The following IQCK variants were observed in gnomAD, a reference collection of about 807,000 sequenced individuals.
IQCK encodes the protein IQ motif containing K.
Under a neutral mutation model 28.1 loss-of-function variants are expected in IQCK, and 29 were observed. That is an observed-to-expected ratio of 1.03 (90% CI 0.77 to 1.41). IQCK has a LOEUF of 1.41. Among genes scored for constraint, IQCK ranks in the 40% most tolerant of loss-of-function variants. IQCK has a pLI of 0.00. For synonymous variants in IQCK, 113 were observed against 115.1 expected, an observed-to-expected ratio of 0.98 and a Z score of 0.12; for missense variants, 359 against 314.7, an observed-to-expected ratio of 1.14 and a Z score of -1.07.
At chr16:19,781,557 C>T (rs907236935) in intron 6 of IQCK, among the ~76,000 whole-genome samples, 8 of 152,288 alleles carry the variant, frequency 5.3e-5, no homozygotes, top group Admixed American at 1.3e-4. Flanking sequence ...TGGAGCTGTT[C>T]GTATGTTCAC....
In IQCK at chr16:19,782,156, G is replaced by A. The variant is rs570945542; in HGVS notation, c.606-6682G>A. On this transcript the variant is annotated intron_variant, in intron 6 of 7. Transcript: ENST00000564186. ...TGAGGATTGATTTACAGCATGTGCC[G>A]TCTTTGTAAATGGCTTTACATCCGG... 7.2e-5 allele frequency among the ~76,000 whole-genome samples: 11 copies of A among 152,202 alleles called. No individual in the cohort carries two copies. The South Asian group carries it at 2.1e-3, about 29-fold the overall frequency.
chr16:19,809,570 A>G (rs1028312705), intron 7 of IQCK, among the ~76,000 whole-genome samples: 3 of 152,192 alleles, frequency 2.0e-5, no homozygotes, highest in Admixed American at 6.5e-5. Flanking sequence ...GTTGCACAAC[A>G]CAGCACTTCA....
intron 9 of IQCK, among the ~76,000 whole-genome samples, chr16:19,855,775 G>T (rs141756292): frequency 6.6e-6 from 1 of 152,150 alleles, no homozygotes; most frequent in Non-Finnish European, 1.5e-5. Flanking sequence ...CAGAACCTGT[G>T]GCCTGGCTCA....
At chr16:19,816,057 T>G (rs2055985278) in intron 7 of IQCK, among the ~76,000 whole-genome samples, 1 of 152,200 alleles carries the variant, frequency 6.6e-6, no homozygotes, top group South Asian at 2.1e-4. Flanking sequence ...TTTCCCCAGC[T>G]TCTTTCCAGC....
intron 7 of IQCK, among the ~76,000 whole-genome samples, chr16:19,804,071 C>A (rs2055800483): frequency 6.6e-6 from 1 of 152,116 alleles, no homozygotes; most frequent in Admixed American, 6.5e-5. Flanking sequence ...AGGTTCTTTG[C>A]CAGGTGCGGC....
At chr16:19,802,502 A>G (rs2151739951) in intron 7 of IQCK, among the ~76,000 whole-genome samples, 1 of 107,608 alleles carries the variant, frequency 9.3e-6, no homozygotes, top group East Asian at 2.5e-4. Context: ...TTCAGTCCAC[A>G]TAAGGAACAT....
intron 4 of IQCK, among the ~76,000 whole-genome samples, chr16:19,758,304 T>G (rs754479183): frequency 7.2e-5 from 11 of 152,236 alleles, no homozygotes; most frequent in Non-Finnish European, 1.0e-4. Context: ...CTGTTCCACA[T>G]GTCTGGGTAT....
At chr16:19,718,664 C>A (rs563808400) in intron 1 of IQCK, among the ~76,000 whole-genome samples, 177 bp downstream of exon 1, 2 of 152,274 alleles carry the variant, frequency 1.3e-5, no homozygotes, top group African/African-American at 4.8e-5. Context: ...GAGGCTGGCC[C>A]GAGGTTACGC....
At chr16:19,781,614 T>C (rs2055485642) in intron 6 of IQCK, among the ~76,000 whole-genome samples, 1 of 152,264 alleles carries the variant, frequency 6.6e-6, no homozygotes, top group Admixed American at 6.5e-5. Flanking sequence ...TCCTAACGGC[T>C]AGTCACCATA....
rs543320586 is a variant in IQCK at position 19,740,699 on chromosome 16, G to A, written c.474+5249G>A. Among the ~76,000 whole-genome samples the A allele has an allele frequency of 5.9e-5, 9 of 152,220 alleles. No individual in the cohort carries two copies. The South Asian group carries it at 8.3e-4, about 14-fold the overall frequency. ...ATGTAAAGAATATCTGGCCGGGCAC[G>A]GTGGGTCATGCCTGTAATGCCAGCC... On this transcript the variant is annotated intron_variant, in intron 4 of 7. Coordinates refer to ENST00000564186, the Ensembl canonical transcript of IQCK.
At chr16:19,779,711 T>TTTTA (rs1464817064) in intron 6 of IQCK, among the ~76,000 whole-genome samples, 28 of 151,324 alleles carry the variant, frequency 1.9e-4, no homozygotes, top group African/African-American at 6.0e-4. Flanking sequence ...TATTTATTTA[T>TTTTA]TTTATTTATT....
intron 6 of IQCK, among the ~76,000 whole-genome samples, chr16:19,784,480 G>C (rs113476390): frequency 6.6e-6 from 1 of 152,142 alleles, no homozygotes; most frequent in South Asian, 2.1e-4. Flanking sequence ...ACAAAATCAC[G>C]TGTAGAAAAT....
At chr16:19,811,327 G>A (rs551156940) in intron 7 of IQCK, among the ~76,000 whole-genome samples, 6 of 152,188 alleles carry the variant, frequency 3.9e-5, no homozygotes, top group Non-Finnish European at 8.8e-5. Context: ...AAACTTTGCT[G>A]TAGTTTAACC....
chr16:19,827,651 A>G (rs1412477538), downstream of IQCK, among the ~76,000 whole-genome samples: 1 of 152,174 alleles, frequency 6.6e-6, no homozygotes, highest in Non-Finnish European at 1.5e-5. Flanking sequence ...GATTGACCAA[A>G]TAAAGCAGAT....
At chr16:19,801,401 C>G (rs2055758899) in intron 7 of IQCK, among the ~76,000 whole-genome samples, 1 of 115,520 alleles carries the variant, frequency 8.7e-6, no homozygotes, top group Non-Finnish European at 1.6e-5. Context: ...GCCTGCTGGG[C>G]TCAAGTGATC....
At chr16:19,814,324 G>C (rs2055952413) in intron 7 of IQCK, among the ~76,000 whole-genome samples, 1 of 147,276 alleles carries the variant, frequency 6.8e-6, no homozygotes, top group Non-Finnish European at 1.5e-5. Flanking sequence ...AGAATCACTT[G>C]AACCCGGGAG....
downstream of IQCK, among the ~76,000 whole-genome samples, chr16:19,829,925 A>G (rs2056207681): frequency 1.3e-5 from 2 of 152,190 alleles, no homozygotes; most frequent in Admixed American, 1.3e-4. Flanking sequence ...CATTGACATC[A>G]TGGTACCTCC....
At chr16:19,850,617 C>G (rs1002527061) in intron 9 of IQCK, among the ~76,000 whole-genome samples, 1 of 152,110 alleles carries the variant, frequency 6.6e-6, no homozygotes, top group African/African-American at 2.4e-5. Flanking sequence ...CAAGTTCTCC[C>G]CGCAGTATGT....
At chr16:19,778,789 A>G (rs752770094) in intron 6 of IQCK, among the ~76,000 whole-genome samples, 1 of 152,194 alleles carries the variant, frequency 6.6e-6, no homozygotes, top group Non-Finnish European at 1.5e-5. Flanking sequence ...GAGTAGAGAA[A>G]CAAAGGTTTT....
Sources: gnomAD v4.1 joint callset for allele counts (sites outside exome capture counted in the v4.1 genomes callset) on GRCh38, gnomAD v4.1.1 for gene constraint, MANE v1.5 for transcripts, NCBI Gene and HGNC (gene_info 2026-07-23, HGNC 2026-07-21) for gene names.